IL18RAP: variants seen among roughly 807,000 people sequenced by gnomAD.
IL18RAP encodes the protein interleukin-18 receptor accessory protein.
Under a neutral mutation model 58.1 loss-of-function variants are expected in IL18RAP, and 37 were observed. The observed-to-expected ratio is 0.64, with a 90% CI of 0.49 to 0.84. The LOEUF is 0.84. Among genes scored for constraint, IL18RAP ranks in the 40% least tolerant of loss-of-function variants. The probability of loss-of-function intolerance (pLI) is 0.00; values close to 1 mark genes in which losing one functional copy is unlikely to be tolerated. For missense variants in IL18RAP, 667 were observed against 704.8 expected (o/e 0.95, Z 0.61); for synonymous variants, 268 against 257.5 (o/e 1.04, Z -0.39).
At chr2:102,426,674 T>C (rs1030465823) in intron 3 of IL18RAP, among the ~76,000 whole-genome samples, 4 of 152,154 alleles carry the variant, frequency 2.6e-5, no homozygotes, top group African/African-American at 9.7e-5. Context: ...ATTGATGTGA[T>C]GTTTTGATAT....
chr2:102,427,078 T>C (rs577938691), intron 3 of IL18RAP, among the ~76,000 whole-genome samples: 2 of 152,274 alleles, frequency 1.3e-5, no homozygotes, highest in Non-Finnish European at 2.9e-5. Flanking sequence ...TCCCACATGA[T>C]TGAATTTCCT....
intron 4 of IL18RAP, among the ~76,000 whole-genome samples, chr2:102,440,668 GA>G (rs1270682542): frequency 2.6e-5 from 4 of 152,158 alleles, no homozygotes; most frequent in East Asian, 3.9e-4. Context: ...AAAAATACAG[GA>G]CTGAGATGGT....
intron 4 of IL18RAP, among the ~76,000 whole-genome samples, chr2:102,437,960 T>C (rs10176820): frequency 0.23 from 35,704 of 152,208 alleles, 4,990 homozygotes; most frequent in African/African-American, 0.39. Flanking sequence ...TTTGCCAATT[T>C]ACAGCCCCAT....
chr2:102,426,723 C>T, intron 3 of IL18RAP, among the ~76,000 whole-genome samples: 1 of 152,116 alleles, frequency 6.6e-6, no homozygotes, highest in East Asian at 1.9e-4. Flanking sequence ...AGCTAATTAA[C>T]ACATCCATCA....
intron 3 of IL18RAP, among the ~76,000 whole-genome samples, chr2:102,428,904 T>C (rs1171354090): frequency 1.3e-5 from 2 of 151,968 alleles, no homozygotes; most frequent in African/African-American, 4.8e-5. Context: ...AGGGTTTTTA[T>C]CATGAAGGGT....
At chr2:102,429,857 G>A (rs1430059079) in intron 3 of IL18RAP, among the ~76,000 whole-genome samples, 1 of 151,698 alleles carries the variant, frequency 6.6e-6, no homozygotes, top group Non-Finnish European at 1.5e-5. Context: ...TTTCATTTCT[G>A]CATATGTGCA....
chr2:102,423,154 C>T, upstream of IL18RAP: 2 of 948,046 alleles, frequency 2.1e-6, no homozygotes, highest in East Asian at 4.8e-5. Context: ...CTGACTTCTT[C>T]ATTTCCCATT....
chr2:102,452,178 G>C lies in IL18RAP; in HGVS notation c.1797G>C (p.Trp599Cys), dbSNP rs1465680338. The C allele has an allele frequency of 6.3e-7, 1 of 1,599,348 alleles. No homozygotes were observed. The highest frequency in any genetic ancestry group is 8.5e-7 in the Non-Finnish European group (1 of 1,173,232). Residue 599 changes from tryptophan to cysteine, a missense_variant, in exon 10 of 10, where the codon TGG becomes TGC. By Grantham distance (215) the Trp-to-Cys change is radical. Transcript: ENST00000687160. ...TTGRSSQPKE[W>C] Reference sequence around the variant, plus strand: ...GGAGGAGCTCCCAGCCTAAGGAATGGTGAAATGAGCCCTGGAGCCCCCTCC... The same window carrying C: ...GGAGGAGCTCCCAGCCTAAGGAATGCTGAAATGAGCCCTGGAGCCCCCTCC...
chr2:102,423,412 C>CCTGATATATCACACTG, intron 1 of IL18RAP, 65 bp downstream of exon 1: 7 of 1,273,916 alleles, frequency 5.5e-6, no homozygotes, highest in Non-Finnish European at 8.0e-6. Context: ...TGATGGATAA[C>CCTGATATATCACACTG]CTGATATATC....
chr2:102,436,870 T>C (rs1283484262), intron 3 of IL18RAP, among the ~76,000 whole-genome samples: 1 of 152,038 alleles, frequency 6.6e-6, no homozygotes, highest in African/African-American at 2.4e-5. Context: ...TTCATTTCAG[T>C]TTCAGCCCTT....
At chr2:102,450,796 G>T in intron 8 of IL18RAP, 52 bp from the exon 9 acceptor site, 1 of 1,230,726 alleles carries the variant, frequency 8.1e-7, no homozygotes, top group East Asian at 2.4e-5. Context: ...TACCATAACA[G>T]TAAAAAAAAG....
chr2:102,431,368 T>C (rs1292949420), intron 3 of IL18RAP, among the ~76,000 whole-genome samples: 2 of 152,240 alleles, frequency 1.3e-5, no homozygotes, highest in Non-Finnish European at 2.9e-5. Context: ...TCTTTGAATT[T>C]TTGACAATTT....
At chr2:102,450,142 A>AT (rs1257271681) in intron 8 of IL18RAP, among the ~76,000 whole-genome samples, 1 of 152,212 alleles carries the variant, frequency 6.6e-6, no homozygotes, top group Non-Finnish European at 1.5e-5. Context: ...AAGTGTTGGG[A>AT]TTTTCTACTT....
intron 3 of IL18RAP, among the ~76,000 whole-genome samples, chr2:102,427,680 A>G (rs1334573435): frequency 1.3e-5 from 2 of 151,992 alleles, no homozygotes. Flanking sequence ...TTCCTTTGCT[A>G]CACAGAAGCT....
intron 8 of IL18RAP, among the ~76,000 whole-genome samples, chr2:102,447,458 G>T (rs10168308): frequency 6.6e-6 from 1 of 152,168 alleles, no homozygotes. Flanking sequence ...CTTACACTGA[G>T]GAAGGCTGGA....
At position 102,438,536 on chromosome 2, in the gene IL18RAP, C is replaced by A. The variant is rs370134488; in HGVS notation, c.730+1174C>A. Among the ~76,000 whole-genome samples, 23 of 152,288 alleles carry A rather than the reference C, an allele frequency of 1.5e-4. No homozygotes were observed. In the East Asian group the frequency reaches 2.5e-3, roughly 17 times the overall value. On this transcript the variant is annotated intron_variant, in intron 4 of 9. Coordinates refer to ENST00000687160, the MANE Select transcript of IL18RAP (RefSeq NM_001393487.1). ...GAATGTAAATACCCCACTCGCACCA[C>A]TTTTCCCCTCCAAGTGATGTGTAAT...
intron 7 of IL18RAP, among the ~76,000 whole-genome samples, chr2:102,446,691 C>T (rs1308493747): frequency 6.6e-6 from 1 of 151,426 alleles, no homozygotes; most frequent in Admixed American, 6.6e-5. Flanking sequence ...GTCCCAGTTA[C>T]TTGGGAGGCT....
upstream of IL18RAP, among the ~76,000 whole-genome samples, chr2:102,422,064 T>C (rs1174249440): frequency 6.6e-6 from 1 of 152,016 alleles, no homozygotes; most frequent in Non-Finnish European, 1.5e-5. Flanking sequence ...ATGCAGACTC[T>C]AGCAGGCGTG....
chr2:102,441,492 T>A, intron 5 of IL18RAP, 115 bp downstream of exon 5: 1 of 779,018 alleles, frequency 1.3e-6, no homozygotes, highest in Non-Finnish European at 2.2e-6. Flanking sequence ...GTGTGAATCT[T>A]AACTCAGCCA....
Sources: gnomAD v4.1 joint callset for allele counts (sites outside exome capture counted in the v4.1 genomes callset) on GRCh38, gnomAD v4.1.1 for gene constraint, MANE v1.5 for transcripts, NCBI Gene and HGNC (gene_info 2026-07-23, HGNC 2026-07-21) for gene names.